The following SEM1 variants were observed in gnomAD, a reference collection of about 807,000 sequenced individuals.
The protein encoded by SEM1 is 26S proteasome complex subunit SEM1.
In SEM1, 3 loss-of-function variants were observed where a neutral mutation model predicts 12.7. That is an observed-to-expected ratio of 0.24 (90% CI 0.11 to 0.61). SEM1 has a LOEUF of 0.61. Among genes scored for constraint, SEM1 ranks in the 20% least tolerant of loss-of-function variants. SEM1 has a pLI of 0.88. For synonymous variants in SEM1, 30 were observed against 27.8 expected, an observed-to-expected ratio of 1.08 and a Z score of -0.25; for missense variants, 59 against 81.3, an observed-to-expected ratio of 0.73 and a Z score of 1.06.
downstream of SEM1, among the ~76,000 whole-genome samples, chr7:96,620,089 C>T (rs1807842922): frequency 6.6e-6 from 1 of 152,116 alleles, no homozygotes; most frequent in Non-Finnish European, 1.5e-5. Flanking sequence ...CCTGATCCTC[C>T]TTAGCAGCAG....
chr7:96,680,461 T>C (rs922556026), intron 2 of SEM1, among the ~76,000 whole-genome samples: 3 of 152,050 alleles, frequency 2.0e-5, no homozygotes, highest in African/African-American at 4.8e-5. Context: ...CAATGTTACA[T>C]TGTAAACAGG....
intron 2 of SEM1, among the ~76,000 whole-genome samples, chr7:96,585,551 C>T (rs1255836031): frequency 5.3e-5 from 8 of 152,334 alleles, no homozygotes; most frequent in South Asian, 2.1e-4. Flanking sequence ...CAATGGCGGG[C>T]GCCCCTCCCC....
At chr7:96,568,910 A>G (rs932826984) in intron 2 of SEM1, among the ~76,000 whole-genome samples, 3 of 151,876 alleles carry the variant, frequency 2.0e-5, no homozygotes, top group East Asian at 3.9e-4. Context: ...AAGATGTTAA[A>G]CTTTTGTTTC....
At chr7:96,655,633 C>T (rs565816013) in intron 2 of SEM1, among the ~76,000 whole-genome samples, 1 of 152,064 alleles carries the variant, frequency 6.6e-6, no homozygotes, top group Admixed American at 6.6e-5. Context: ...CATCTCTCCA[C>T]ACCCGTGAAC....
At chr7:96,661,296 G>T (rs1034454600) in intron 2 of SEM1, among the ~76,000 whole-genome samples, 2 of 152,168 alleles carry the variant, frequency 1.3e-5, no homozygotes, top group Non-Finnish European at 2.9e-5. Flanking sequence ...GCACCTAAGA[G>T]ATGGCTATAT....
At chr7:96,709,220 C>G (rs1790568329) in intron 1 of SEM1, among the ~76,000 whole-genome samples, 1 of 152,152 alleles carries the variant, frequency 6.6e-6, no homozygotes, top group African/African-American at 2.4e-5. Context: ...CGTATCTTAC[C>G]CTCCTATCCT....
rs1041984097 is a variant in SEM1, at chr7:96,539,792, A to G, written c.171-33094T>C. 3.3e-5 allele frequency among the ~76,000 whole-genome samples: 5 copies of G among 151,764 alleles called. No individual in the cohort carries two copies. In the East Asian group the frequency reaches 7.7e-4, roughly 24 times the overall value. On this transcript the variant is annotated intron_variant and NMD_transcript_variant, in intron 2 of 3. Coordinates refer to the SEM1 transcript ENST00000466986. ...TATGTGCTCAATAAATACTTGTTGA[A>G]TAAATGAAATGTTAAGACAGCTCTC... is the stretch of plus-strand genomic sequence containing the variant.
chr7:96,591,161 TCTAA>T (rs958640410), intron 2 of SEM1, among the ~76,000 whole-genome samples: 5 of 152,208 alleles, frequency 3.3e-5, no homozygotes, highest in African/African-American at 1.2e-4. Flanking sequence ...CTTAATTTTC[TCTAA>T]CTACACAAGA....
rs118081529 is a variant in SEM1 at position 96,591,061 on chromosome 7, G to A, written c.171-84363C>T. 8.5e-5 allele frequency among the ~76,000 whole-genome samples: 13 copies of A among 152,272 alleles called. No individual in the cohort carries two copies. The East Asian group carries it at 2.3e-3, about 27-fold the overall frequency. On this transcript the variant is annotated intron_variant and NMD_transcript_variant, in intron 2 of 3. Coordinates refer to the SEM1 transcript ENST00000466986. ...GTGATCAAGATTTTTAAAAATAGAT[G>A]TAATATACTTGGCAATTTAATTGTA...
intron 2 of SEM1, among the ~76,000 whole-genome samples, chr7:96,584,756 G>A (rs1175738534): frequency 7.9e-5 from 12 of 151,942 alleles, no homozygotes; most frequent in Admixed American, 5.9e-4. Flanking sequence ...CCAGTTGACC[G>A]CATTGGCTCC....
chr7:96,597,577 T>G (rs568978821), intron 2 of SEM1, among the ~76,000 whole-genome samples: 401 of 152,174 alleles, frequency 2.6e-3, no homozygotes, highest in Non-Finnish European at 4.6e-3. Context: ...TCCCATAGAT[T>G]CATCAGCTTG....
chr7:96,585,187 A>G (rs956707070), intron 2 of SEM1, among the ~76,000 whole-genome samples: 1 of 152,192 alleles, frequency 6.6e-6, no homozygotes, highest in African/African-American at 2.4e-5. Context: ...TCCTTCTAAC[A>G]GACAGGACCC....
In SEM1 at chr7:96,508,237, C is replaced by A. The variant is rs1434913866; in HGVS notation, c.171-1539G>T. Among the ~76,000 whole-genome samples, 3 of 151,984 alleles carry A rather than the reference C, an allele frequency of 2.0e-5. No individual in the cohort carries two copies. The East Asian group carries it at 5.8e-4, about 29-fold the overall frequency. ...TGGAGATTCAGGGGGAATCAATATT[C>A]TCTGTAAGTTTTTGAAAAATAATAA... On this transcript the variant is annotated intron_variant and NMD_transcript_variant, in intron 2 of 3. Transcript: ENST00000466986.
chr7:96,530,347 A>T (rs1375626875), intron 2 of SEM1, among the ~76,000 whole-genome samples: 2 of 152,118 alleles, frequency 1.3e-5, no homozygotes, highest in African/African-American at 4.8e-5. Context: ...GAAGTAGCAG[A>T]GCTTGGCCAC....
chr7:96,643,300 G>T (rs1808673639), intron 2 of SEM1, among the ~76,000 whole-genome samples: 1 of 151,962 alleles, frequency 6.6e-6, no homozygotes, highest in African/African-American at 2.4e-5. Flanking sequence ...TTGTATGGCT[G>T]CATGGTATTC....
At chr7:96,659,340 T>C (rs945803278) in intron 2 of SEM1, among the ~76,000 whole-genome samples, 1 of 152,172 alleles carries the variant, frequency 6.6e-6, no homozygotes, top group East Asian at 1.9e-4. Context: ...GAAATAATAT[T>C]GTCAAAGTGC....
chr7:96,642,627 A>G (rs907697576), intron 2 of SEM1, among the ~76,000 whole-genome samples: 2 of 151,894 alleles, frequency 1.3e-5, no homozygotes, highest in Non-Finnish European at 1.5e-5. Flanking sequence ...ATAGTAGGAT[A>G]TTAATCCTAC....
At chr7:96,615,239 A>ATTTTTTTTTTTTTTTTTTT (rs1421596853) in intron 2 of SEM1, among the ~76,000 whole-genome samples, 3 of 98,168 alleles carry the variant, frequency 3.1e-5, no homozygotes, top group African/African-American at 8.4e-5. Context: ...TTTTTGAGTC[A>ATTTTTTTTTTTTTTTTTTT]TCTTTTTTTT....
upstream of SEM1, among the ~76,000 whole-genome samples, chr7:96,500,867 G>A (rs950765233): frequency 2.6e-5 from 4 of 152,128 alleles, no homozygotes; most frequent in Middle Eastern, 3.2e-3. Flanking sequence ...ACATTTGGCT[G>A]TGGTCCTGAA....
Sources: allele counts gnomAD v4.1 joint callset (sites outside exome capture counted in the v4.1 genomes callset), GRCh38; gene constraint gnomAD v4.1.1; transcripts MANE v1.5; gene names NCBI Gene and HGNC (gene_info 2026-07-23, HGNC 2026-07-21).